SCUBE1: variants seen among roughly 807,000 people sequenced by gnomAD.
SCUBE1 encodes signal peptide, CUB domain and EGF like domain containing 1.
In SCUBE1, 59 loss-of-function variants were observed where a neutral mutation model predicts 124.4. The ratio of observed to expected loss-of-function variants is 0.47; its 90% CI spans 0.38 to 0.59. SCUBE1 has a LOEUF of 0.59. Among genes scored for constraint, SCUBE1 ranks in the 20% least tolerant of loss-of-function variants. The pLI is 0.00. For missense variants in SCUBE1, 1,150 were observed against 1,371.2 expected, an observed-to-expected ratio of 0.84 and a Z score of 2.55; for synonymous variants, 545 against 550.9, an observed-to-expected ratio of 0.99 and a Z score of 0.15.
chr22:43,312,731 G>A (rs1005456659), intron 3 of SCUBE1, among the ~76,000 whole-genome samples: 3 of 152,140 alleles, frequency 2.0e-5, no homozygotes, highest in African/African-American at 7.2e-5. Flanking sequence ...TAGAGCAAGG[G>A]GTGCCCGCTG....
chr22:43,299,797 C>A (rs574531196), intron 3 of SCUBE1, among the ~76,000 whole-genome samples: 1 of 152,274 alleles, frequency 6.6e-6, no homozygotes, highest in East Asian at 1.9e-4. Flanking sequence ...CAATTCCTAC[C>A]CCTTCGCCCC....
At chr22:43,273,111 C>G (rs569517375) in intron 4 of SCUBE1, among the ~76,000 whole-genome samples, 2 of 152,338 alleles carry the variant, frequency 1.3e-5, no homozygotes, top group Middle Eastern at 3.4e-3. Flanking sequence ...GGGCTGAGAC[C>G]GAGGAGGAAG....
intron 4 of SCUBE1, among the ~76,000 whole-genome samples, chr22:43,269,841 G>T (rs567866172): frequency 1.2e-4 from 18 of 152,312 alleles, no homozygotes; most frequent in African/African-American, 4.3e-4. Context: ...GAAACCCGGG[G>T]AAGGTGGTGC....
rs753454475 is a variant in SCUBE1, at chr22:43,220,466, C to T, written c.1671G>A (p.Lys557=). 1 of 1,614,078 alleles carries T rather than the reference C, an allele frequency of 6.2e-7. No individual in the cohort carries two copies. Among genetic ancestry groups the T allele is most frequent in the Non-Finnish European group, 8.5e-7 (1 of 1,179,974 alleles). The change falls in exon 14 of 22, where the codon AAG becomes AAA. Residue 557 remains lysine, a synonymous_variant. Coordinates refer to ENST00000360835, the MANE Select transcript of SCUBE1 (RefSeq NM_173050.5). The stretch of plus-strand genomic sequence containing the variant: ...CTCACCTACCTGAGGCCTCTTCCAT[C>T]TTTGTCTCGATCTCAAACTCTGCTG... ...HITAEFEIET[K]MEEASDTCEA... is the part of the protein sequence containing the mutation.
intron 3 of SCUBE1, among the ~76,000 whole-genome samples, chr22:43,305,859 C>T (rs1925949124): frequency 6.6e-6 from 1 of 152,222 alleles, no homozygotes; most frequent in African/African-American, 2.4e-5. Flanking sequence ...AGCTGGGCTG[C>T]TGCCATGGCT....
intron 5 of SCUBE1, among the ~76,000 whole-genome samples, chr22:43,259,868 C>G (rs180678618): frequency 6.6e-6 from 1 of 152,330 alleles, no homozygotes; most frequent in Non-Finnish European, 1.5e-5. Context: ...GCTTCAAGCA[C>G]AAAGCCCTCC....
rs1347639372 is a variant in SCUBE1, at chr22:43,255,797, A to G, written c.727+2422T>C. ...CGAGGGCGGGGGCGGGGGGACGTGC[A>G]GGAAAGGAGGAATGACCACAAAGTG... On this transcript the variant is annotated intron_variant, in intron 6 of 21. Transcript: ENST00000360835. The surrounding 1 kb of genome is among the most constrained non-coding windows in gnomAD (Gnocchi z 4.7). Among the ~76,000 whole-genome samples, 2 of 152,164 alleles carry G rather than the reference A, an allele frequency of 1.3e-5. No individual in the cohort carries two copies. The highest frequency in any genetic ancestry group is 2.9e-5 in the Non-Finnish European group (2 of 68,024).
At chr22:43,239,115 C>T (rs933570269) in intron 6 of SCUBE1, 161 bp from the exon 7 acceptor site, 1 of 610,408 alleles carries the variant, frequency 1.6e-6, no homozygotes, top group Non-Finnish European at 2.9e-6. Context: ...AGCTGTGCTG[C>T]CTCTCTGAGC....
In SCUBE1 at chr22:43,258,597, C is replaced by G. The variant is rs951801320; in HGVS notation, c.611-262G>C. ...GGGGTCGTCTGGGCTTTGATCAGAG[C>G]AGGCACAGAGGTGATGCGCTCAGAT... On this transcript the variant is annotated intron_variant, in intron 5 of 21. Coordinates refer to ENST00000360835, the MANE Select transcript of SCUBE1 (RefSeq NM_173050.5). The surrounding 1 kb of genome is among the most constrained non-coding windows in gnomAD (Gnocchi z 5.0). 1.3e-5 allele frequency among the ~76,000 whole-genome samples: 2 copies of G among 152,184 alleles called. No homozygotes were observed. Among genetic ancestry groups the G allele is most frequent in the Non-Finnish European group, 2.9e-5 (2 of 68,028 alleles).
rs140715405 is a variant in SCUBE1, at chr22:43,238,896, G to A, written c.786C>T (p.Gly262=). 4 of 1,613,152 alleles carry A rather than the reference G, an allele frequency of 2.5e-6. No individual in the cohort carries two copies. The highest frequency in any genetic ancestry group is 2.7e-5 in the African/African-American group (2 of 75,060). ...ATCCAACGGGGCAGCTGCATCGCACGCCAGTGGCTGTGTCCTTGCATGTCC... is the reference window on the plus strand; with the variant it reads ...ATCCAACGGGGCAGCTGCATCGCACACCAGTGGCTGTGTCCTTGCATGTCC... ...CDRTCKDTAT[G]VRCSCPVGFT... Residue 262 remains glycine (G), a synonymous_variant, in exon 7 of 22, where the codon GGC becomes GGT. Coordinates refer to ENST00000360835, the MANE Select transcript of SCUBE1 (RefSeq NM_173050.5).
intron 15 of SCUBE1, among the ~76,000 whole-genome samples, chr22:43,217,927 G>A (rs1021262914): frequency 6.6e-6 from 1 of 152,316 alleles, no homozygotes. Context: ...TCTCCTCCAG[G>A]AAGCTTCCCT....
chr22:43,223,119 C>G lies in SCUBE1; in HGVS notation c.1305G>C (p.Pro435=), dbSNP rs146662047. The change falls in exon 11 of 22, where the codon CCG becomes CCC. Residue 435 remains proline (P), a synonymous_variant. Coordinates refer to ENST00000360835, the MANE Select transcript of SCUBE1 (RefSeq NM_173050.5). ...TACCTGGCACGAAGAGTGTGTGAGC[C>G]GGGCAGGAAAGGAAGCAGCTCTCCA... ...GGVESCFLSC[P]AHTLFVPDSE... 1,653 of 1,549,226 alleles carry G rather than the reference C, an allele frequency of 1.1e-3. 4 individuals are homozygous for G. The highest frequency in any genetic ancestry group is 1.4e-3 in the Non-Finnish European group (1,576 of 1,155,274).
Position 43,255,218 on chromosome 22 carries a change from G to A in SCUBE1, c.727+3001C>T, listed in dbSNP as rs1005511492. Among the ~76,000 whole-genome samples the A allele has an allele frequency of 2.0e-5, 3 of 152,280 alleles. No individual in the cohort carries two copies. Among genetic ancestry groups the A allele is most frequent in the Admixed American group, 6.5e-5 (1 of 15,300 alleles). On this transcript the variant is annotated intron_variant, in intron 6 of 21. Transcript: ENST00000360835. The surrounding 1 kb of genome is among the most constrained non-coding windows in gnomAD (Gnocchi z 4.7). ...TCTTTGCTACAAACACACAAACAACGAACAAATGTGTTTGATGGAGGGTAA... is the reference window on the plus strand; with the variant it reads ...TCTTTGCTACAAACACACAAACAACAAACAAATGTGTTTGATGGAGGGTAA...
At chr22:43,213,985 TG>T in intron 16 of SCUBE1, 104 bp downstream of exon 16, 1 of 1,163,160 alleles carries the variant, frequency 8.6e-7, no homozygotes, top group Non-Finnish European at 1.2e-6. Context: ...CCACACTCTC[TG>T]GCCACACCAG....
chr22:43,277,385 C>T (rs1408286103), intron 4 of SCUBE1, among the ~76,000 whole-genome samples: 2 of 152,148 alleles, frequency 1.3e-5, no homozygotes, highest in Non-Finnish European at 2.9e-5. Context: ...GCTTGCGGGG[C>T]AGGGAGGCCT....
intron 1 of SCUBE1, among the ~76,000 whole-genome samples, 199 bp downstream of exon 1, chr22:43,342,975 G>A (rs1240384877): frequency 4.5e-5 from 6 of 133,550 alleles, no homozygotes; most frequent in Non-Finnish European, 9.7e-5. Context: ...CGGCCCCGCC[G>A]GACTCAGGAG....
At chr22:43,276,122 AG>A (rs1924505576) in intron 4 of SCUBE1, 1 of 152,550 alleles carries the variant, frequency 6.6e-6, no homozygotes. Context: ...GGGACGCGCT[AG>A]GAAGCACAGG....
intron 4 of SCUBE1, among the ~76,000 whole-genome samples, chr22:43,269,890 G>A (rs1319210985): frequency 3.3e-5 from 5 of 152,218 alleles, no homozygotes; most frequent in African/African-American, 1.2e-4. Context: ...GGTCGGGGCT[G>A]GTGGGAGAGA....
chr22:43,287,202 G>A (rs572914410), intron 4 of SCUBE1, among the ~76,000 whole-genome samples: 4 of 152,238 alleles, frequency 2.6e-5, no homozygotes, highest in South Asian at 2.1e-4. Flanking sequence ...CCAACATCTC[G>A]GACTCCCTCC....
Sources: gnomAD v4.1 joint callset for allele counts (sites outside exome capture counted in the v4.1 genomes callset) on GRCh38, gnomAD v4.1.1 for gene constraint, Gnocchi (gnomAD v3.1) non-coding constraint, MANE v1.5 for transcripts, NCBI Gene and HGNC (gene_info 2026-07-23, HGNC 2026-07-21) for gene names.